The following USH2A variants were observed in gnomAD, a reference collection of about 807,000 sequenced individuals.
The protein encoded by USH2A is usherin.
Under a neutral mutation model 538.9 loss-of-function variants are expected in USH2A, and 443 were observed. The observed-to-expected ratio is 0.82, with a 90% CI of 0.76 to 0.89. USH2A has a LOEUF of 0.89. Among genes scored for constraint, USH2A ranks in the 40% least tolerant of loss-of-function variants. The pLI is 0.00. For synonymous variants in USH2A, 2,413 were observed against 2,273.5 expected (o/e 1.06, Z -1.75); for missense variants, 6,633 against 6,324.8 (o/e 1.05, Z -1.65).
At chr1:215,663,410 TAACTC>T (rs1486390567) in intron 64 of USH2A, among the ~76,000 whole-genome samples, 1 of 152,214 alleles carries the variant, frequency 6.6e-6, no homozygotes, top group East Asian at 1.9e-4. Context: ...TATGTGATCT[TAACTC>T]AGCTTCTTCA....
intron 16 of USH2A, among the ~76,000 whole-genome samples, chr1:216,203,738 A>G (rs2035049856): frequency 6.6e-6 from 1 of 152,222 alleles, no homozygotes; most frequent in Non-Finnish European, 1.5e-5. Flanking sequence ...GAATAAGGGT[A>G]GAAATGAAAT....
At chr1:215,681,915 A>T (rs906090595) in intron 61 of USH2A, among the ~76,000 whole-genome samples, 1 of 152,152 alleles carries the variant, frequency 6.6e-6, no homozygotes, top group African/African-American at 2.4e-5. Context: ...GAGCAATCAG[A>T]CTCTGAAACA....
At chr1:216,339,272 G>A (rs945653872) in intron 4 of USH2A, among the ~76,000 whole-genome samples, 4 of 151,274 alleles carry the variant, frequency 2.6e-5, no homozygotes, top group Non-Finnish European at 5.9e-5. Flanking sequence ...TTTTATATAT[G>A]TGCATATATA....
intron 51 of USH2A, among the ~76,000 whole-genome samples, chr1:215,789,182 A>G (rs1661902223): frequency 6.6e-6 from 1 of 152,238 alleles, no homozygotes; most frequent in African/African-American, 2.4e-5. Context: ...TGTCCTCATT[A>G]GAATAATTTA....
intron 37 of USH2A, among the ~76,000 whole-genome samples, chr1:215,947,342 C>T (rs1666784621): frequency 1.3e-5 from 2 of 152,266 alleles, no homozygotes; most frequent in African/African-American, 4.8e-5. Flanking sequence ...CCGCACCAAG[C>T]CCTACTAAAT....
At chr1:215,988,221 C>T (rs549077081) in intron 35 of USH2A, among the ~76,000 whole-genome samples, 2 of 151,810 alleles carry the variant, frequency 1.3e-5, no homozygotes, top group Admixed American at 1.3e-4. Context: ...AACCGTAATT[C>T]TAATTTCTGT....
intron 49 of USH2A, among the ~76,000 whole-genome samples, chr1:215,811,959 A>G (rs1662701725): frequency 1.4e-5 from 2 of 142,202 alleles, no homozygotes; most frequent in Non-Finnish European, 3.1e-5. Flanking sequence ...CAAACAAAAA[A>G]CCAACCAAAA....
chr1:215,695,488 T>TA (rs140446187), intron 61 of USH2A, among the ~76,000 whole-genome samples: 2,838 of 150,586 alleles, frequency 0.019, 95 homozygotes, highest in African/African-American at 0.065. Context: ...TATTTCCCAA[T>TA]AAAAAAAAAC....
chr1:216,114,370 C>T (rs544371789), intron 21 of USH2A, among the ~76,000 whole-genome samples: 58 of 152,040 alleles, frequency 3.8e-4, no homozygotes, highest in Middle Eastern at 6.9e-3. Flanking sequence ...TTATATCATC[C>T]AGAACAACAC....
chr1:215,846,147 T>C, intron 44 of USH2A, 114 bp from the exon 45 acceptor site: 4 of 1,006,826 alleles, frequency 4.0e-6, no homozygotes, highest in Non-Finnish European at 4.4e-6. Flanking sequence ...AGAGCCTTTG[T>C]TTTGGAAATG....
Position 215,675,006 on chromosome 1 carries a change from C to A in USH2A, c.12905G>T (p.Arg4302Met), listed in dbSNP as rs1657961910. 6.2e-7 allele frequency: 1 copy of A among 1,614,160 alleles called. No individual in the cohort carries two copies. Among genetic ancestry groups the A allele is most frequent in the Non-Finnish European group, 8.5e-7 (1 of 1,180,034 alleles). ...GCTAAAAGGATAGAGCATTTCATTC[C>A]TTTGAAGCCTATAGGACTGGATAAT... ...NGIIQSYRLQ[R>M]NEMLYPFSFD... Residue 4302 changes from arginine to methionine, a missense_variant, in exon 63 of 72, where the codon AGG (arginine) becomes ATG (methionine). By Grantham distance (91) the Arg-to-Met change is moderately conservative (BLOSUM62 -1). Transcript: ENST00000307340.
intron 40 of USH2A, among the ~76,000 whole-genome samples, chr1:215,898,996 A>G (rs1022152015): frequency 2.6e-5 from 4 of 152,194 alleles, no homozygotes; most frequent in African/African-American, 9.6e-5. Context: ...ATTGGAAGAA[A>G]TGAATTAAGT....
chr1:216,022,121 A>T, intron 32 of USH2A, among the ~76,000 whole-genome samples: 1 of 152,120 alleles, frequency 6.6e-6, no homozygotes, highest in East Asian at 1.9e-4. Flanking sequence ...AGGCCTCCTC[A>T]GAATCAGATG....
intron 11 of USH2A, among the ~76,000 whole-genome samples, chr1:216,276,853 C>T (rs1263314970): frequency 6.6e-6 from 1 of 152,084 alleles, no homozygotes; most frequent in African/African-American, 2.4e-5. Context: ...ATGATTCAAT[C>T]ATCTCCCACC....
chr1:215,656,808 G>T (rs746520136), intron 64 of USH2A, among the ~76,000 whole-genome samples: 1 of 152,126 alleles, frequency 6.6e-6, no homozygotes, highest in Non-Finnish European at 1.5e-5. Context: ...TTTATATCAA[G>T]AAGCTCTAAG....
rs995811710 is a variant in USH2A, at chr1:216,073,394, G to T, written c.5573-94C>A. 6 of 1,359,132 alleles carry T rather than the reference G, an allele frequency of 4.4e-6. No homozygotes were observed. In the Admixed American group the frequency reaches 7.7e-5, roughly 18 times the overall value. 84.2% of individuals were successfully genotyped at this position (1,359,132 alleles called of 1,614,324 possible). On this transcript the variant is annotated intron_variant, in intron 27 of 71. Transcript: ENST00000307340. ...TCTGCAGCACTACATTTTGAGGAAG[G>T]GGGGTGGTTAGATACAATTGCTAGA...
chr1:216,037,080 G>A (rs2030019018), intron 32 of USH2A, among the ~76,000 whole-genome samples: 3 of 152,080 alleles, frequency 2.0e-5, no homozygotes, highest in Admixed American at 6.6e-5. Context: ...CCATGTCAAT[G>A]CAGTCTTTTT....
chr1:216,156,249 C>A (rs1250521496), intron 21 of USH2A, among the ~76,000 whole-genome samples: 1 of 148,894 alleles, frequency 6.7e-6, no homozygotes, highest in East Asian at 2.0e-4. Context: ...ACCTGGACTC[C>A]TTTACTTTCC....
intron 66 of USH2A, among the ~76,000 whole-genome samples, chr1:215,647,951 A>G (rs969382290): frequency 6.6e-6 from 1 of 152,078 alleles, no homozygotes; most frequent in Non-Finnish European, 1.5e-5. Flanking sequence ...AGAAGTCACC[A>G]TCTACACACA....
Sources: allele counts gnomAD v4.1 joint callset (sites outside exome capture counted in the v4.1 genomes callset), GRCh38; gene constraint gnomAD v4.1.1; transcripts MANE v1.5; gene names NCBI Gene and HGNC (gene_info 2026-07-23, HGNC 2026-07-21).